The following TRAPPC8 variants were observed in gnomAD, a reference collection of about 807,000 sequenced individuals.
The protein encoded by TRAPPC8 is general sporulation gene 1 homolog.
In TRAPPC8, 54 loss-of-function variants were observed where a neutral mutation model predicts 174.3. That is an observed-to-expected ratio of 0.31 (90% CI 0.25 to 0.39). TRAPPC8 has a LOEUF of 0.39. Ranked by LOEUF, TRAPPC8 falls within the 10% of genes least tolerant of loss-of-function variation. The pLI, the probability that TRAPPC8 is intolerant of heterozygous loss-of-function variation, is 1.00. For synonymous variants in TRAPPC8, 630 were observed against 579.9 expected, an observed-to-expected ratio of 1.09 and a Z score of -1.24; for missense variants, 1,531 against 1,699.1, an observed-to-expected ratio of 0.90 and a Z score of 1.74.
intron 16 of TRAPPC8, 172 bp downstream of exon 16, chr18:31,870,200 G>T: frequency 2.1e-6 from 1 of 487,162 alleles, no homozygotes; most frequent in South Asian, 5.4e-5. Flanking sequence ...TATTCCTTAT[G>T]TTTTTATGTA....
chr18:31,942,431 C>T, intron 1 of TRAPPC8, 177 bp downstream of exon 1: 1 of 732,578 alleles, frequency 1.4e-6, no homozygotes, highest in Non-Finnish European at 2.1e-6. Flanking sequence ...GCTGTCTTGA[C>T]AACCTCACGG....
At chr18:31,913,786 G>A (rs2037016628) in intron 4 of TRAPPC8, among the ~76,000 whole-genome samples, 2 of 152,094 alleles carry the variant, frequency 1.3e-5, no homozygotes, top group Admixed American at 6.6e-5. Flanking sequence ...AGTGTGTTCC[G>A]TGGAATAAAA....
intron 26 of TRAPPC8, among the ~76,000 whole-genome samples, chr18:31,840,154 T>C (rs1162150103): frequency 2.0e-5 from 3 of 151,664 alleles, no homozygotes; most frequent in Middle Eastern, 3.2e-3. Context: ...AGGCCAGGAG[T>C]TGGAGGTTAG....
At chr18:31,901,962 C>T (rs1019618799) in intron 9 of TRAPPC8, among the ~76,000 whole-genome samples, 25 of 152,180 alleles carry the variant, frequency 1.6e-4, no homozygotes, top group Non-Finnish European at 8.8e-5. Flanking sequence ...TAGAGCTACT[C>T]ATGTTTCCCC....
chr18:31,931,649 GTTC>G (rs1191684464), intron 1 of TRAPPC8, 126 bp from the exon 2 acceptor site: 1 of 631,108 alleles, frequency 1.6e-6, no homozygotes, highest in Non-Finnish European at 2.5e-6. Flanking sequence ...CAAGTGGAAC[GTTC>G]TTCCAGAAAT....
At chr18:31,877,915 C>A (rs1248707175) in intron 12 of TRAPPC8, among the ~76,000 whole-genome samples, 1 of 147,258 alleles carries the variant, frequency 6.8e-6, no homozygotes, top group African/African-American at 2.5e-5. Context: ...AAGTGCAAAA[C>A]TCTGTCTCAA....
Position 31,922,530 on chromosome 18 carries a change from G to T in TRAPPC8, c.353-4863C>A, listed in dbSNP as rs546554138. 3.3e-5 allele frequency among the ~76,000 whole-genome samples: 5 copies of T among 152,306 alleles called. No homozygotes were observed. The South Asian group carries it at 6.2e-4, about 19-fold the overall frequency. The stretch of plus-strand genomic sequence containing the variant: ...CGCTTGAACCCAGGAGGTCAAAGCT[G>T]CAGTGAGCCAAGATGGTGCCACTGC... On this transcript the variant is annotated intron_variant, in intron 2 of 28. Coordinates refer to ENST00000283351, the MANE Select transcript of TRAPPC8 (RefSeq NM_014939.5).
rs970919914 is a variant in TRAPPC8, at chr18:31,830,443, T to C, written c.*312A>G. 2.2e-5 allele frequency: 6 copies of C among 269,386 alleles called. No individual in the cohort carries two copies. In the South Asian group the frequency reaches 2.7e-4, roughly 12 times the overall value. The allele number at this position is 269,386 out of a possible 1,614,324, so 16.7% of individuals were successfully genotyped here. On this transcript the variant is annotated 3_prime_UTR_variant, in exon 29 of 29. Transcript: ENST00000283351. ...ATCATCTCCTAATATTCGTATACCA[T>C]TGACAAGTTGTAACAGCAGACTTAG...
chr18:31,833,894 C>A (rs1483422885), intron 27 of TRAPPC8, among the ~76,000 whole-genome samples: 1 of 148,018 alleles, frequency 6.8e-6, no homozygotes. Flanking sequence ...CCCAGTTACT[C>A]GGGAGGCTGA....
At chr18:31,876,954 C>T (rs1388633204) in intron 12 of TRAPPC8, among the ~76,000 whole-genome samples, 1 of 152,172 alleles carries the variant, frequency 6.6e-6, no homozygotes, top group South Asian at 2.1e-4. Context: ...TCTTGAGTCA[C>T]CACCGCACCA....
At chr18:31,918,969 C>G (rs573256463) in intron 2 of TRAPPC8, among the ~76,000 whole-genome samples, 1 of 152,238 alleles carries the variant, frequency 6.6e-6, no homozygotes, top group African/African-American at 2.4e-5. Context: ...TTCATCTTAA[C>G]CACTGAAAAC....
At chr18:31,883,855 C>T (rs1355249934) in intron 12 of TRAPPC8, 1 of 152,128 alleles carries the variant, frequency 6.6e-6, no homozygotes, top group Non-Finnish European at 1.5e-5. Flanking sequence ...TGTTCAAAGG[C>T]AAGAAGTATA....
rs374112253 is a variant in TRAPPC8, at chr18:31,870,537, T to G, written c.2258-35A>C. The G allele has an allele frequency of 5.0e-6, 8 of 1,590,598 alleles. No individual in the cohort carries two copies. The African/African-American group carries it at 1.1e-4, about 22-fold the overall frequency. On this transcript the variant is annotated intron_variant, in intron 15 of 28. Coordinates refer to ENST00000283351, the MANE Select transcript of TRAPPC8 (RefSeq NM_014939.5). ...AAAAGGCCTAAATTAATAACTTTAA[T>G]AAACATCACACCTCATTCTCAGCTT... is the stretch of plus-strand genomic sequence containing the variant.
At chr18:31,896,270 A>C (rs1164405967) in intron 11 of TRAPPC8, 1 of 152,210 alleles carries the variant, frequency 6.6e-6, no homozygotes, top group East Asian at 1.9e-4. Context: ...TGAGAACTAG[A>C]ACAGTAGAAG....
chr18:31,914,352 A>C (rs2037045974), intron 4 of TRAPPC8, among the ~76,000 whole-genome samples: 1 of 152,206 alleles, frequency 6.6e-6, no homozygotes, highest in South Asian at 2.1e-4. Context: ...GAAGGACAAT[A>C]AAGCAAACTC....
At chr18:31,935,880 C>T (rs572298506) in intron 1 of TRAPPC8, among the ~76,000 whole-genome samples, 43 of 151,760 alleles carry the variant, frequency 2.8e-4, no homozygotes, top group South Asian at 8.3e-4. Context: ...GGATTACAGG[C>T]GCCCGCCACC....
chr18:31,926,686 C>CA (rs2037629882), intron 2 of TRAPPC8: 1 of 152,042 alleles, frequency 6.6e-6, no homozygotes, highest in Non-Finnish European at 1.5e-5. Context: ...TTCAGCCTCC[C>CA]AAAGTGCTGG....
At chr18:31,839,183 T>C (rs2032944601) in intron 27 of TRAPPC8, 129 bp downstream of exon 27, 1 of 849,840 alleles carries the variant, frequency 1.2e-6, no homozygotes. Context: ...GTTCAAGTAT[T>C]CTATAGACTC....
intron 11 of TRAPPC8, among the ~76,000 whole-genome samples, chr18:31,892,268 TATGTGCATGTGTTTACATGCCTAATAC>T (rs1598686423): frequency 6.6e-6 from 1 of 152,190 alleles, no homozygotes; most frequent in East Asian, 1.9e-4. Context: ...CCTATATATG[TATGTGCATGTGTTTACATGCCTAATAC>T]ATATGCATTT....
Sources: allele counts gnomAD v4.1 joint callset (sites outside exome capture counted in the v4.1 genomes callset), GRCh38; gene constraint gnomAD v4.1.1; transcripts MANE v1.5; gene names NCBI Gene and HGNC (gene_info 2026-07-23, HGNC 2026-07-21).